The following SLC35F1 variants were observed in gnomAD, a reference collection of about 807,000 sequenced individuals.
SLC35F1 encodes chromosome 6 open reading frame 169.
SLC35F1 carries 14 observed loss-of-function variants against 48.7 expected under a neutral mutation model. The observed-to-expected ratio is 0.29, with a 90% CI of 0.19 to 0.45. SLC35F1 has a LOEUF of 0.45. Ranked by LOEUF, SLC35F1 falls within the 20% of genes least tolerant of loss-of-function variation. The probability of loss-of-function intolerance (pLI) is 1.00; values close to 1 mark genes in which losing one functional copy is unlikely to be tolerated. For missense variants in SLC35F1, 404 were observed against 500.0 expected, an observed-to-expected ratio of 0.81 and a Z score of 1.83; for synonymous variants, 190 against 202.2, an observed-to-expected ratio of 0.94 and a Z score of 0.51.
Position 118,042,970 on chromosome 6 carries a change from T to C in SLC35F1, c.174-111475T>C, listed in dbSNP as rs184745250. ...CATTTTTAACAGGTCATGTTGGAAATTCCTGCAGCGCACCCCAGACACATA... is the reference window on the plus strand; with the variant it reads ...CATTTTTAACAGGTCATGTTGGAAACTCCTGCAGCGCACCCCAGACACATA... On this transcript the variant is annotated intron_variant, in intron 1 of 7. Transcript: ENST00000360388. Among the ~76,000 whole-genome samples, 244 of 152,242 alleles carry C rather than the reference T, an allele frequency of 1.6e-3. 2 individuals carry two copies. Among genetic ancestry groups the C allele is most frequent in the African/African-American group, 5.8e-3 (240 of 41,540 alleles).
intron 1 of SLC35F1, among the ~76,000 whole-genome samples, chr6:118,035,682 A>ATTTTTTTTTTT (rs745704672): frequency 2.3e-5 from 2 of 87,328 alleles, no homozygotes; most frequent in Non-Finnish European, 4.2e-5. Flanking sequence ...GGCTTTGTTA[A>ATTTTTTTTTTT]TTTTTTTTTT....
At chr6:118,058,883 C>A (rs766018530) in intron 1 of SLC35F1, among the ~76,000 whole-genome samples, 1 of 152,120 alleles carries the variant, frequency 6.6e-6, no homozygotes, top group Non-Finnish European at 1.5e-5. Flanking sequence ...CAATTCATAA[C>A]CTTTTCAAGA....
At chr6:118,246,851 G>T (rs1775513694) in intron 3 of SLC35F1, among the ~76,000 whole-genome samples, 1 of 152,130 alleles carries the variant, frequency 6.6e-6, no homozygotes, top group Admixed American at 6.5e-5. Flanking sequence ...TCCTAATGTA[G>T]TCTCTAACTC....
At chr6:118,091,317 G>T (rs1773069952) in intron 1 of SLC35F1, among the ~76,000 whole-genome samples, 1 of 152,180 alleles carries the variant, frequency 6.6e-6, no homozygotes, top group South Asian at 2.1e-4. Flanking sequence ...TATAGTCCCT[G>T]TGTGTTGTGG....
intron 1 of SLC35F1, among the ~76,000 whole-genome samples, chr6:117,982,352 T>C (rs905469364): frequency 6.6e-6 from 1 of 152,170 alleles, no homozygotes; most frequent in Non-Finnish European, 1.5e-5. Flanking sequence ...GACCAAGAAG[T>C]CAATATTTAA....
At chr6:118,098,383 T>C (rs561817881) in intron 1 of SLC35F1, among the ~76,000 whole-genome samples, 1 of 152,282 alleles carries the variant, frequency 6.6e-6, no homozygotes, top group East Asian at 1.9e-4. Context: ...CACTATCCCA[T>C]TCTTCCAGTG....
chr6:117,914,085 CCTATCTATCTATCTAT>C (rs60175681), intron 1 of SLC35F1, among the ~76,000 whole-genome samples: 129 of 145,260 alleles, frequency 8.9e-4, no homozygotes, highest in African/African-American at 2.2e-3. Flanking sequence ...ACAAAAGAAT[CCTATCTATCTATCTAT>C]CTATCTATCT....
chr6:118,279,884 T>C (rs1298389840), intron 6 of SLC35F1, among the ~76,000 whole-genome samples: 1 of 152,228 alleles, frequency 6.6e-6, no homozygotes, highest in Non-Finnish European at 1.5e-5. Context: ...TCTAACCTCA[T>C]ATAATCTCTT....
chr6:117,953,351 T>C (rs1032450928), intron 1 of SLC35F1, among the ~76,000 whole-genome samples: 2 of 152,184 alleles, frequency 1.3e-5, no homozygotes, highest in African/African-American at 2.4e-5. Flanking sequence ...ATTTGCTTTA[T>C]TTTTTATTGA....
intron 1 of SLC35F1, among the ~76,000 whole-genome samples, chr6:118,112,427 T>A (rs1187144854): frequency 6.6e-6 from 1 of 152,158 alleles, no homozygotes; most frequent in East Asian, 1.9e-4. Flanking sequence ...GTACCTAGGG[T>A]GGATATATTC....
intron 2 of SLC35F1, among the ~76,000 whole-genome samples, chr6:118,230,049 A>G (rs541677470): frequency 6.6e-6 from 1 of 152,330 alleles, no homozygotes; most frequent in East Asian, 1.9e-4. Flanking sequence ...GTGTATAAAG[A>G]CATAAGTGTC....
chr6:118,036,567 C>CT (rs1241476898), intron 1 of SLC35F1, among the ~76,000 whole-genome samples: 2 of 151,860 alleles, frequency 1.3e-5, no homozygotes, highest in South Asian at 2.1e-4. Context: ...TCACTGATTT[C>CT]TTTTTTTTAA....
At chr6:118,252,498 C>A (rs1432517163) in intron 3 of SLC35F1, among the ~76,000 whole-genome samples, 1 of 152,044 alleles carries the variant, frequency 6.6e-6, no homozygotes, top group Non-Finnish European at 1.5e-5. Context: ...AGATGTGAAG[C>A]AGAAAATCAA....
intron 6 of SLC35F1, among the ~76,000 whole-genome samples, chr6:118,281,960 G>C (rs912781357): frequency 6.6e-6 from 1 of 152,210 alleles, no homozygotes; most frequent in African/African-American, 2.4e-5. Context: ...CATATTAGCT[G>C]ATAATAGTAT....
intron 2 of SLC35F1, among the ~76,000 whole-genome samples, chr6:118,179,199 G>T (rs1017368630): frequency 2.6e-5 from 4 of 152,056 alleles, no homozygotes; most frequent in Non-Finnish European, 5.9e-5. Context: ...TATATAAAAT[G>T]AGAAATTGGC....
chr6:118,239,272 AATTGTATAC>A (rs1482699443), intron 3 of SLC35F1, among the ~76,000 whole-genome samples: 2 of 149,922 alleles, frequency 1.3e-5, no homozygotes, highest in East Asian at 3.9e-4. Context: ...TGAAGAAGTT[AATTGTATAC>A]ATTGATTTCC....
chr6:118,086,650 C>T (rs920709390), intron 1 of SLC35F1, among the ~76,000 whole-genome samples: 3 of 152,178 alleles, frequency 2.0e-5, no homozygotes, highest in African/African-American at 7.2e-5. Context: ...CTTTGGCTAC[C>T]AGCTCTAATT....
intron 2 of SLC35F1, among the ~76,000 whole-genome samples, chr6:118,156,982 T>G (rs987737358): frequency 1.3e-5 from 2 of 152,162 alleles, no homozygotes; most frequent in Non-Finnish European, 1.5e-5. Context: ...TGAAATGTAG[T>G]AAAATGCCTA....
chr6:118,210,791 C>G lies in SLC35F1; in HGVS notation c.350-24718C>G, dbSNP rs534143496. Among the ~76,000 whole-genome samples, 4 of 152,290 alleles carry G rather than the reference C, an allele frequency of 2.6e-5. No individual in the cohort carries two copies. The East Asian group carries it at 7.7e-4, about 29-fold the overall frequency. On this transcript the variant is annotated intron_variant, in intron 2 of 7. Transcript: ENST00000360388. ...ACTTTGTTGAGGGTAAAGTTATGGG[C>G]TGATTGTTCCAAATCTGGGTCAGCG...
Sources: allele counts gnomAD v4.1 joint callset (sites outside exome capture counted in the v4.1 genomes callset), GRCh38; gene constraint gnomAD v4.1.1; transcripts MANE v1.5; gene names NCBI Gene and HGNC (gene_info 2026-07-23, HGNC 2026-07-21).